The following CACNA1C variants were observed in gnomAD, a reference collection of about 807,000 sequenced individuals.
CACNA1C encodes the protein voltage-dependent L-type calcium channel subunit alpha-1C.
CACNA1C carries 30 observed loss-of-function variants against 229.0 expected under a neutral mutation model. The observed-to-expected ratio is 0.13, with a 90% CI of 0.10 to 0.18. CACNA1C has a LOEUF of 0.18. Ranked by LOEUF, CACNA1C falls within the 10% of genes least tolerant of loss-of-function variation. The probability of loss-of-function intolerance (pLI) is 1.00; values close to 1 mark genes in which losing one functional copy is unlikely to be tolerated. For synonymous variants in CACNA1C, 1,114 were observed against 1,132.5 expected (o/e 0.98, Z 0.33); for missense variants, 1,658 against 2,845.0 (o/e 0.58, Z 9.49).
Position 2,053,363 on chromosome 12 carries a change from G to T in CACNA1C, c.-200G>T. ...CTCGAGGAGGCAGTAGTGGAAAGGA[G>T]CAGTTTTTGGGGTTTGATGCCATAA... On this transcript the variant is annotated 5_prime_UTR_variant, in exon 1 of 47. Coordinates refer to ENST00000399655, the MANE Select transcript of CACNA1C (RefSeq NM_000719.7). This position sits in a 1 kb window ranked among gnomAD's most constrained non-coding sequence, Gnocchi z 5.8. The T allele has an allele frequency of 7.4e-7, 1 of 1,357,290 alleles. No individual in the cohort carries two copies. The allele number at this position is 1,357,290 out of a possible 1,614,324, so 84.1% of individuals were successfully genotyped here.
chr12:2,184,630 T>C (rs138762116), intron 3 of CACNA1C, among the ~76,000 whole-genome samples: 1 of 152,362 alleles, frequency 6.6e-6, no homozygotes, highest in Non-Finnish European at 1.5e-5. Flanking sequence ...TGTTCATTTA[T>C]CTGTTCAACA....
At chr12:2,366,566 G>T (rs879447462) in intron 3 of CACNA1C, among the ~76,000 whole-genome samples, 3 of 152,118 alleles carry the variant, frequency 2.0e-5, no homozygotes, top group African/African-American at 4.8e-5. Context: ...AATTATAGAA[G>T]TTTAATTTGC....
intron 1 of CACNA1C, among the ~76,000 whole-genome samples, chr12:2,039,786 G>T (rs1459041526): frequency 2.6e-5 from 4 of 152,126 alleles, no homozygotes; most frequent in Non-Finnish European, 5.9e-5. Context: ...AGGGGAGAAG[G>T]AATAAGGGAT....
At chr12:2,304,468 C>T (rs1477625566) in intron 3 of CACNA1C, among the ~76,000 whole-genome samples, 3 of 152,172 alleles carry the variant, frequency 2.0e-5, no homozygotes, top group Non-Finnish European at 4.4e-5. Flanking sequence ...GTTCTGAGAG[C>T]GTGAAATCAC....
At chr12:2,014,798 G>T (rs754829936) in intron 1 of CACNA1C, among the ~76,000 whole-genome samples, 32 of 152,164 alleles carry the variant, frequency 2.1e-4, no homozygotes, top group African/African-American at 6.8e-4. Flanking sequence ...TTGAGCTTTA[G>T]GCCTTACAGA....
rs11062315 is a variant in CACNA1C, at chr12:2,685,625, T to G, written c.5574-111T>G. On this transcript the variant is annotated intron_variant, in intron 43 of 46. Transcript: ENST00000399655. ...CAAACCTGCATGTAAGCACAAAGTG[T>G]GCGTCCCTTCACTAAGGATCAGAGC... 0.15 allele frequency: 112,061 copies of G among 733,204 alleles called. 8,639 individuals carry two copies. The highest frequency in any genetic ancestry group is 0.25 in the East Asian group (9,292 of 37,048). 45.4% of individuals were successfully genotyped at this position (733,204 alleles called of 1,614,324 possible).
Position 2,597,442 on chromosome 12 carries a change from A to G in CACNA1C, c.2853+153A>G, listed in dbSNP as rs766149272. The G allele has an allele frequency of 2.5e-6, 4 of 1,609,354 alleles. No homozygotes were observed. The South Asian group carries it at 4.4e-5, about 18-fold the overall frequency. ...CAATTATGCTTATTTTTCAGATCCT[A>G]GGCAATGCAGACTATGTCTTCACTA... On this transcript the variant is annotated intron_variant, in intron 21 of 46. Transcript: ENST00000399655. This position sits in a 1 kb window ranked among gnomAD's most constrained non-coding sequence, Gnocchi z 4.3.
chr12:2,146,091 A>G (rs1457563478), intron 3 of CACNA1C, among the ~76,000 whole-genome samples: 2 of 151,278 alleles, frequency 1.3e-5, no homozygotes, highest in East Asian at 3.8e-4. Context: ...AGTGCCTTCT[A>G]ATTCAACACT....
At chr12:2,418,231 GC>G (rs1709310319) in intron 3 of CACNA1C, among the ~76,000 whole-genome samples, 1 of 152,284 alleles carries the variant, frequency 6.6e-6, no homozygotes, top group East Asian at 1.9e-4. Context: ...AGCCTCTGCT[GC>G]CCCACAGTGC....
intron 3 of CACNA1C, among the ~76,000 whole-genome samples, chr12:2,396,011 C>T (rs2098562435): frequency 6.6e-6 from 1 of 152,152 alleles, no homozygotes; most frequent in African/African-American, 2.4e-5. Flanking sequence ...TCACTGGAGC[C>T]TGGTGCCCGT....
At chr12:2,355,677 A>G (rs950850443) in intron 3 of CACNA1C, among the ~76,000 whole-genome samples, 1 of 152,136 alleles carries the variant, frequency 6.6e-6, no homozygotes, top group Admixed American at 6.5e-5. Context: ...TTAACTTCCT[A>G]TTACAGCTAT....
Position 2,605,015 on chromosome 12 carries a change from C to A in CACNA1C, c.2961-66C>A. On this transcript the variant is annotated intron_variant, in intron 22 of 46. Transcript: ENST00000399655. The surrounding 1 kb of genome is among the most constrained non-coding windows in gnomAD (Gnocchi z 6.2). ...ATTCACCTGTCAGGACATTCCCTTA[C>A]CACATTATTTTTGCTCCCCCCAGAA... 8.5e-7 allele frequency: 1 copy of A among 1,173,868 alleles called. No individual in the cohort carries two copies. Among genetic ancestry groups the A allele is most frequent in the Non-Finnish European group, 1.3e-6 (1 of 779,946 alleles). 72.7% of individuals were successfully genotyped at this position (1,173,868 alleles called of 1,614,324 possible). A position where few individuals can be genotyped will look rare whatever the true frequency, so the allele number is the denominator to read the frequency against.
intron 6 of CACNA1C, among the ~76,000 whole-genome samples, chr12:2,489,656 A>G (rs777829985): frequency 1.3e-5 from 2 of 152,182 alleles, no homozygotes; most frequent in African/African-American, 2.4e-5. Flanking sequence ...TTTACTCCTT[A>G]AAGTTGAGTT....
rs1440822075 is a variant in CACNA1C, at chr12:2,666,802, A to G, written c.4623+20A>G. ...TGCAAAGTAAGAGATAACGGGGTTC[A>G]TGGGAGGGAGAGGGAAAATAGGGGA... On this transcript the variant is annotated intron_variant, in intron 37 of 46. Transcript: ENST00000399655. The surrounding 1 kb of genome is among the most constrained non-coding windows in gnomAD (Gnocchi z 5.3). 6.1e-6 allele frequency: 9 copies of G among 1,484,252 alleles called. No homozygotes were observed. Among genetic ancestry groups the G allele is most frequent in the South Asian group, 1.2e-5 (1 of 84,262 alleles). 91.9% of individuals were successfully genotyped at this position (1,484,252 alleles called of 1,614,324 possible).
At chr12:1,989,151 A>T (rs1158651888) in intron 1 of CACNA1C, among the ~76,000 whole-genome samples, 1 of 152,216 alleles carries the variant, frequency 6.6e-6, no homozygotes, top group East Asian at 1.9e-4. Flanking sequence ...CAGGAGGCTG[A>T]GGTGGGAAGA....
At chr12:2,121,161 A>C (rs2086536279) in intron 3 of CACNA1C, among the ~76,000 whole-genome samples, 2 of 152,222 alleles carry the variant, frequency 1.3e-5, no homozygotes, top group South Asian at 4.1e-4. Flanking sequence ...GCATGCAGGG[A>C]AAATCCCGTC....
intron 13 of CACNA1C, 148 bp downstream of exon 13, chr12:2,567,942 G>T (rs1028151151): frequency 1.2e-5 from 7 of 585,760 alleles, no homozygotes; most frequent in Non-Finnish European, 2.1e-5. Flanking sequence ...GGTAGTTTGT[G>T]TTCATTTAGA....
intron 3 of CACNA1C, among the ~76,000 whole-genome samples, chr12:2,213,242 G>T (rs1348620170): frequency 6.6e-6 from 1 of 152,148 alleles, no homozygotes; most frequent in Non-Finnish European, 1.5e-5. Context: ...TAACGCTTCA[G>T]GTCAGCTACT....
At chr12:2,116,436 G>A (rs1232675446) in intron 2 of CACNA1C, among the ~76,000 whole-genome samples, 2 of 150,498 alleles carry the variant, frequency 1.3e-5, no homozygotes, top group Non-Finnish European at 2.9e-5. Context: ...CAGTGGTGCC[G>A]TCTCGGCTCA....
Sources: gnomAD v4.1 joint callset for allele counts (sites outside exome capture counted in the v4.1 genomes callset) on GRCh38, gnomAD v4.1.1 for gene constraint, Gnocchi (gnomAD v3.1) non-coding constraint, MANE v1.5 for transcripts, NCBI Gene and HGNC (gene_info 2026-07-23, HGNC 2026-07-21) for gene names.